NKAIN2: variants seen among roughly 807,000 people sequenced by gnomAD.
NKAIN2 encodes the protein sodium/potassium-transporting ATPase subunit beta-1-interacting protein 2.
A neutral mutation model predicts 32.6 loss-of-function variants in NKAIN2; 14 were observed. That is an observed-to-expected ratio of 0.43 (90% CI 0.28 to 0.67). The LOEUF is 0.67. Among genes scored for constraint, NKAIN2 ranks in the 30% least tolerant of loss-of-function variants. The probability of loss-of-function intolerance (pLI) is 0.17; values close to 1 mark genes in which losing one functional copy is unlikely to be tolerated. For synonymous variants in NKAIN2, 80 were observed against 87.2 expected (o/e 0.92, Z 0.46); for missense variants, 198 against 258.3 (o/e 0.77, Z 1.60).
At chr6:124,429,205 T>A (rs1775105823) in intron 3 of NKAIN2, among the ~76,000 whole-genome samples, 1 of 80,910 alleles carries the variant, frequency 1.2e-5, no homozygotes, top group East Asian at 3.8e-4. Flanking sequence ...TCCTGGCTAA[T>A]TTTTTTTTTT....
At chr6:124,138,396 T>A (rs566670371) in intron 1 of NKAIN2, among the ~76,000 whole-genome samples, 1 of 152,228 alleles carries the variant, frequency 6.6e-6, no homozygotes, top group Non-Finnish European at 1.5e-5. Flanking sequence ...GGTGGGAATG[T>A]AAGCTCATAC....
intron 4 of NKAIN2, among the ~76,000 whole-genome samples, chr6:124,735,853 T>G (rs1776911847): frequency 6.6e-6 from 1 of 151,830 alleles, no homozygotes. Flanking sequence ...CTCTCTCCCT[T>G]TCTTCCAGCC....
At position 124,693,396 on chromosome 6, in the gene NKAIN2, C is replaced by G. The variant is rs148002238; in HGVS notation, c.474+35010C>G. 2.8e-3 allele frequency among the ~76,000 whole-genome samples: 419 copies of G among 152,318 alleles called. 1 individual carries two copies. Among genetic ancestry groups the G allele is most frequent in the African/African-American group, 6.9e-3 (288 of 41,574 alleles). Reference sequence around the variant, plus strand: ...CCATCAAGGTTTGTATAAGTACACTCTGTGATGTTCAACACTGACAAAATT... The same window carrying G: ...CCATCAAGGTTTGTATAAGTACACTGTGTGATGTTCAACACTGACAAAATT... On this transcript the variant is annotated intron_variant, in intron 4 of 6. Coordinates refer to ENST00000368417, the MANE Select transcript of NKAIN2 (RefSeq NM_001040214.3).
At chr6:124,163,811 A>C (rs1788395378) in intron 1 of NKAIN2, among the ~76,000 whole-genome samples, 1 of 152,082 alleles carries the variant, frequency 6.6e-6, no homozygotes, top group Non-Finnish European at 1.5e-5. Flanking sequence ...TAGTTTGGAA[A>C]GAGGTAAAAA....
intron 4 of NKAIN2, among the ~76,000 whole-genome samples, chr6:124,687,232 T>G (rs193050858): frequency 0.014 from 1,979 of 145,302 alleles, 22 homozygotes; most frequent in Non-Finnish European, 0.022. Context: ...GGAATATATA[T>G]AGAGAGAATA....
At chr6:123,896,920 G>A (rs1003703289) in intron 1 of NKAIN2, among the ~76,000 whole-genome samples, 5 of 152,086 alleles carry the variant, frequency 3.3e-5, no homozygotes, top group African/African-American at 1.2e-4. Flanking sequence ...CAGTCTCCAA[G>A]TATACCTGCA....
At chr6:124,523,466 C>T (rs142059276) in intron 3 of NKAIN2, among the ~76,000 whole-genome samples, 1 of 149,488 alleles carries the variant, frequency 6.7e-6, no homozygotes, top group East Asian at 2.0e-4. Context: ...CACTTTTCCC[C>T]AAGGATTCAC....
intron 3 of NKAIN2, among the ~76,000 whole-genome samples, chr6:124,614,083 CCT>C (rs1400833832): frequency 1.3e-5 from 2 of 152,054 alleles, no homozygotes; most frequent in African/African-American, 4.8e-5. Flanking sequence ...AATTTTTTCT[CCT>C]CTCTTATTTT....
Position 124,628,823 on chromosome 6 carries a change from C to CT in NKAIN2, c.274-29358dup, listed in dbSNP as rs371409225. On this transcript the variant is annotated intron_variant, in intron 3 of 6. Transcript: ENST00000368417. ...GCATAAATTCTGTTGAGTTGTATAT[C>CT]TTTTTATAAGGAATAGCAATATAAA... Among the ~76,000 whole-genome samples, 403 of 151,950 alleles carry CT rather than the reference C, an allele frequency of 2.7e-3. 1 individual carries two copies. The highest frequency in any genetic ancestry group is 9.3e-3 in the African/African-American group (385 of 41,428).
chr6:124,774,284 T>C (rs961804818), intron 4 of NKAIN2, among the ~76,000 whole-genome samples: 3 of 152,138 alleles, frequency 2.0e-5, no homozygotes, highest in African/African-American at 4.8e-5. Flanking sequence ...TGAGTATACC[T>C]TGAAGGCAAA....
chr6:123,842,248 T>C (rs1391881743), intron 1 of NKAIN2, among the ~76,000 whole-genome samples: 1 of 152,180 alleles, frequency 6.6e-6, no homozygotes, highest in East Asian at 1.9e-4. Context: ...AAACAGCAGA[T>C]ATGTATTTCT....
chr6:124,414,575 G>A (rs1041309236), intron 3 of NKAIN2, among the ~76,000 whole-genome samples: 1 of 152,042 alleles, frequency 6.6e-6, no homozygotes, highest in Non-Finnish European at 1.5e-5. Flanking sequence ...TTATGGGATT[G>A]GTATTTTGCT....
At chr6:124,806,227 G>A (rs1318469020) in intron 5 of NKAIN2, among the ~76,000 whole-genome samples, 1 of 152,066 alleles carries the variant, frequency 6.6e-6, no homozygotes, top group African/African-American at 2.4e-5. Context: ...AAATGTTAAG[G>A]GCAGCCAGAG....
chr6:124,072,675 G>T (rs1783517261), intron 1 of NKAIN2, among the ~76,000 whole-genome samples: 1 of 151,996 alleles, frequency 6.6e-6, no homozygotes, highest in South Asian at 2.1e-4. Context: ...TGCCTGAATG[G>T]CAGACTCACT....
chr6:124,522,870 G>A (rs1257163586), intron 3 of NKAIN2, among the ~76,000 whole-genome samples: 1 of 151,948 alleles, frequency 6.6e-6, no homozygotes, highest in South Asian at 2.1e-4. Context: ...TTGGCCGGGC[G>A]CGGTGGCTCA....
intron 4 of NKAIN2, among the ~76,000 whole-genome samples, chr6:124,676,309 C>A (rs887255876): frequency 3.9e-5 from 6 of 152,090 alleles, no homozygotes; most frequent in Non-Finnish European, 8.8e-5. Flanking sequence ...TGCTGTTGGA[C>A]AGAATGTTCT....
chr6:124,576,362 G>A (rs1781334523), intron 3 of NKAIN2, among the ~76,000 whole-genome samples: 1 of 152,098 alleles, frequency 6.6e-6, no homozygotes, highest in South Asian at 2.1e-4. Flanking sequence ...TGTGAAAATG[G>A]ACAAATGCGC....
chr6:124,508,264 TAAAAACC>T lies in NKAIN2; in HGVS notation c.274-149916_274-149910del, dbSNP rs538006665. On this transcript the variant is annotated intron_variant, in intron 3 of 6. Transcript: ENST00000368417. Reference sequence around the variant, plus strand: ...AGAGTAAGATCCGGCCTCAAAAAAATAAAAACCAAAAAACAAAAAACAAAAAACCCAC... The same window carrying T: ...AGAGTAAGATCCGGCCTCAAAAAAATAAAAAACAAAAAACAAAAAACCCAC... 1.5e-3 allele frequency among the ~76,000 whole-genome samples: 226 copies of T among 150,604 alleles called. No homozygotes were observed. The Middle Eastern group carries it at 0.024, about 16-fold the overall frequency.
intron 2 of NKAIN2, among the ~76,000 whole-genome samples, chr6:124,292,510 C>G (rs1001478614): frequency 3.3e-5 from 5 of 149,434 alleles, no homozygotes; most frequent in African/African-American, 9.9e-5. Context: ...GTGTAATTTC[C>G]TTTTTAACAA....
Sources: gnomAD v4.1 joint callset for allele counts (sites outside exome capture counted in the v4.1 genomes callset) on GRCh38, gnomAD v4.1.1 for gene constraint, MANE v1.5 for transcripts, NCBI Gene and HGNC (gene_info 2026-07-23, HGNC 2026-07-21) for gene names.